JAKMIP1: variants seen among roughly 807,000 people sequenced by gnomAD.
The protein encoded by JAKMIP1 is janus kinase and microtubule-interacting protein 1.
In JAKMIP1, 33 loss-of-function variants were observed where a neutral mutation model predicts 113.0. The ratio of observed to expected loss-of-function variants is 0.29; its 90% CI spans 0.22 to 0.39. The LOEUF (loss-of-function observed/expected upper bound fraction) is 0.39. JAKMIP1 is among the 10% of genes least tolerant of loss of function. The pLI, the probability that JAKMIP1 is intolerant of heterozygous loss-of-function variation, is 1.00. For missense variants in JAKMIP1, 813 were observed against 1,080.5 expected, an observed-to-expected ratio of 0.75 and a Z score of 3.47; for synonymous variants, 480 against 459.9, an observed-to-expected ratio of 1.04 and a Z score of -0.56.
chr4:6,065,825 A>G lies in JAKMIP1; in HGVS notation c.1303-817T>C, dbSNP rs1463776480. Among the ~76,000 whole-genome samples the G allele has an allele frequency of 6.6e-6, 1 of 152,114 alleles. No homozygotes were observed. Among genetic ancestry groups the G allele is most frequent in the East Asian group, 1.9e-4 (1 of 5,182 alleles). The stretch of plus-strand genomic sequence containing the variant: ...CTATCAATTCATTCACTCAGAAAAC[A>G]CTGGCAAAGCTCCTTCTATGGGCCA... On this transcript the variant is annotated intron_variant, in intron 8 of 20. Transcript: ENST00000409021. The surrounding 1 kb of genome is among the most constrained non-coding windows in gnomAD (Gnocchi z 5.1).
intron 8 of JAKMIP1, among the ~76,000 whole-genome samples, chr4:6,066,741 T>C (rs1024530776): frequency 2.6e-5 from 4 of 152,104 alleles, no homozygotes; most frequent in Non-Finnish European, 2.9e-5. Context: ...CCTCTCTCCA[T>C]TGGGACCTTC....
In JAKMIP1 at chr4:6,088,553, A is replaced by T. The variant is rs897460188; in HGVS notation, c.625-2924T>A. ...ACAGAGGGCTTCTGCCCCAGTCATCACAAGAAAGTTTCCTAGAAAATATTC... is the reference window on the plus strand; with the variant it reads ...ACAGAGGGCTTCTGCCCCAGTCATCTCAAGAAAGTTTCCTAGAAAATATTC... On this transcript the variant is annotated intron_variant, in intron 3 of 20. Transcript: ENST00000409021. The surrounding 1 kb of genome is among the most constrained non-coding windows in gnomAD (Gnocchi z 5.5). 6.6e-6 allele frequency among the ~76,000 whole-genome samples: 1 copy of T among 152,240 alleles called. No individual in the cohort carries two copies. The highest frequency in any genetic ancestry group is 2.4e-5 in the African/African-American group (1 of 41,460).
At chr4:6,060,344 G>T in intron 11 of JAKMIP1, 80 bp downstream of exon 11, 2 of 1,074,808 alleles carry the variant, frequency 1.9e-6, no homozygotes, top group Non-Finnish European at 2.9e-6. Context: ...TGTCCCCCTT[G>T]GCACAAGGGC....
chr4:6,112,642 T>G, intron 2 of JAKMIP1, 80 bp downstream of exon 2: 21 of 1,489,306 alleles, frequency 1.4e-5, no homozygotes, highest in East Asian at 4.8e-5. Flanking sequence ...AACAGGCTCT[T>G]CACACACATG....
At chr4:6,170,346 T>TCAC (rs376955827) in intron 1 of JAKMIP1, among the ~76,000 whole-genome samples, 4,657 of 37,204 alleles carry the variant, frequency 0.13, 114 homozygotes, top group Non-Finnish European at 0.17. Flanking sequence ...CCCACCCTTC[T>TCAC]CACCACCACC....
rs886222648 is a variant in JAKMIP1 at position 6,129,137 on chromosome 4, C to T, written c.-147-16140G>A. Reference sequence around the variant, plus strand: ...GACATCACACACCCCACTTTCACTCCGCACTGTGGGGTGTCTTCACATCTA... The same window carrying T: ...GACATCACACACCCCACTTTCACTCTGCACTGTGGGGTGTCTTCACATCTA... On this transcript the variant is annotated intron_variant, in intron 1 of 20. Transcript: ENST00000409021. The surrounding 1 kb of genome is among the most constrained non-coding windows in gnomAD (Gnocchi z 5.4). Among the ~76,000 whole-genome samples the T allele has an allele frequency of 2.6e-5, 4 of 152,218 alleles. No individual in the cohort carries two copies. The highest frequency in any genetic ancestry group is 6.5e-5 in the Admixed American group (1 of 15,286).
rs1727649599 is a variant in JAKMIP1, at chr4:6,194,568, C to G, written c.-148+5685G>C. On this transcript the variant is annotated intron_variant, in intron 1 of 20. Coordinates refer to ENST00000409021, the MANE Select transcript of JAKMIP1 (RefSeq NM_001099433.2). This position sits in a 1 kb window ranked among gnomAD's most constrained non-coding sequence, Gnocchi z 7.4. Reference sequence around the variant, plus strand: ...ACCCTGTAGTGATGTGTCCCACCCCCTCCAGTGCTGTGGAGGGACCCGGGT... The same window carrying G: ...ACCCTGTAGTGATGTGTCCCACCCCGTCCAGTGCTGTGGAGGGACCCGGGT... The G allele has an allele frequency of 2.0e-5, 3 of 152,290 alleles. No homozygotes were observed. The highest frequency in any genetic ancestry group is 2.9e-5 in the Non-Finnish European group (2 of 68,142). 9.4% of individuals were successfully genotyped at this position (152,290 alleles called of 1,614,324 possible).
At chr4:6,170,136 C>T (rs970925875) in intron 1 of JAKMIP1, among the ~76,000 whole-genome samples, 6 of 150,320 alleles carry the variant, frequency 4.0e-5, no homozygotes, top group African/African-American at 1.5e-4. Context: ...ACCACCACCA[C>T]CACTTCCATC....
chr4:6,109,412 C>T (rs1000964411), intron 2 of JAKMIP1, among the ~76,000 whole-genome samples: 12 of 151,994 alleles, frequency 7.9e-5, no homozygotes, highest in African/African-American at 1.9e-4. Flanking sequence ...AGATTACAGG[C>T]ATGAGCCACT....
rs28714133 is a variant in JAKMIP1 at position 6,098,591 on chromosome 4, G to A, written c.624+6882C>T. 1.3e-3 allele frequency among the ~76,000 whole-genome samples: 155 copies of A among 119,584 alleles called. 1 individual carries two copies. Among genetic ancestry groups the A allele is most frequent in the Middle Eastern group, 4.4e-3 (1 of 228 alleles). The allele number at this position is 119,584 out of a possible 152,430, so 78.5% of individuals were successfully genotyped here. ...GAAAGAAAGAAAGAAAGAAGGAAAG[G>A]AAGAAAGAAAGGAAGAAAAGAAAGA... On this transcript the variant is annotated intron_variant, in intron 3 of 20. Transcript: ENST00000409021.
At position 6,112,873 on chromosome 4, in the gene JAKMIP1, T is replaced by G; in HGVS notation, c.-23A>C. 1 of 1,611,804 alleles carries G rather than the reference T, an allele frequency of 6.2e-7. No individual in the cohort carries two copies. The highest frequency in any genetic ancestry group is 8.5e-7 in the Non-Finnish European group (1 of 1,179,208). On this transcript the variant is annotated 5_prime_UTR_variant, in exon 2 of 21. Transcript: ENST00000409021. ...CATGCTTCCCCTTGGGTCAGAGTGC[T>G]GAGATCCTGCGGTCCACACCTGTTC... is the stretch of plus-strand genomic sequence containing the variant.
Position 6,140,262 on chromosome 4 carries a change from T to C in JAKMIP1, c.-147-27265A>G, listed in dbSNP as rs1461915773. ...TTTCTTTTTTCCTCTTTTTTTTTTTTTTTTCTGTGGGGAGGGACTTTCACC... is the reference window on the plus strand; with the variant it reads ...TTTCTTTTTTCCTCTTTTTTTTTTTCTTTTCTGTGGGGAGGGACTTTCACC... On this transcript the variant is annotated intron_variant, in intron 1 of 20. Coordinates refer to ENST00000409021, the MANE Select transcript of JAKMIP1 (RefSeq NM_001099433.2). This position sits in a 1 kb window ranked among gnomAD's most constrained non-coding sequence, Gnocchi z 9.4. Among the ~76,000 whole-genome samples, 2 of 151,754 alleles carry C rather than the reference T, an allele frequency of 1.3e-5. No individual in the cohort carries two copies. The highest frequency in any genetic ancestry group is 3.9e-4 in the East Asian group (2 of 5,194).
chr4:6,117,050 A>C (rs536475432), intron 1 of JAKMIP1, among the ~76,000 whole-genome samples: 108 of 152,368 alleles, frequency 7.1e-4, no homozygotes, highest in African/African-American at 2.4e-3. Flanking sequence ...TTAAGCCAAG[A>C]GCCAGGCCCT....
At chr4:6,096,529 A>G (rs1255510711) in intron 3 of JAKMIP1, among the ~76,000 whole-genome samples, 2 of 152,218 alleles carry the variant, frequency 1.3e-5, no homozygotes, top group African/African-American at 2.4e-5. Flanking sequence ...GGGTAAAATA[A>G]TATTTGTCAT....
At chr4:6,070,467 A>G in intron 8 of JAKMIP1, among the ~76,000 whole-genome samples, 1 of 152,246 alleles carries the variant, frequency 6.6e-6, no homozygotes, top group East Asian at 1.9e-4. Flanking sequence ...AGAGGTTTCC[A>G]GGGGCGGGAT....
intron 7 of JAKMIP1, among the ~76,000 whole-genome samples, chr4:6,079,900 A>G (rs1720256014): frequency 6.6e-6 from 1 of 152,216 alleles, no homozygotes; most frequent in Admixed American, 6.5e-5. Flanking sequence ...ATGCTTCTCA[A>G]TCACAGCAAG....
chr4:6,036,011 G>A lies in JAKMIP1; in HGVS notation c.2272C>T (p.Leu758=), dbSNP rs1460738895. 3.2e-6 allele frequency: 5 copies of A among 1,552,280 alleles called. 1 individual carries two copies. Among genetic ancestry groups the A allele is most frequent in the Middle Eastern group, 1.7e-4 (1 of 5,992 alleles). Residue 758 remains leucine (L), a synonymous_variant, in exon 19 of 21, where the codon CTG becomes TTG. Coordinates refer to ENST00000409021, the MANE Select transcript of JAKMIP1 (RefSeq NM_001099433.2). The part of the protein sequence containing the change: ...EALSEGQRED[L]QAAVEKVRRQ... ...CGCACCTTTTCCACAGCAGCCTGCA[G>A]GTCCTCCCGCTGGCCCTCGCTCAGC... is the stretch of plus-strand genomic sequence containing the variant.
rs531776468 is a variant in JAKMIP1, at chr4:6,129,026, A to C, written c.-147-16029T>G. On this transcript the variant is annotated intron_variant, in intron 1 of 20. Transcript: ENST00000409021. The surrounding 1 kb of genome is among the most constrained non-coding windows in gnomAD (Gnocchi z 5.4). ...CCTTCCACACCATCAGGTTTAGTTG[A>C]ATCTCCAGTACCAGGCAAGGTGCCT... Among the ~76,000 whole-genome samples, 5 of 152,324 alleles carry C rather than the reference A, an allele frequency of 3.3e-5. No individual in the cohort carries two copies. Among genetic ancestry groups the C allele is most frequent in the Admixed American group, 6.5e-5 (1 of 15,310 alleles).
At chr4:6,045,049 G>C (rs549722674) in intron 16 of JAKMIP1, among the ~76,000 whole-genome samples, 1 of 152,240 alleles carries the variant, frequency 6.6e-6, no homozygotes, top group Non-Finnish European at 1.5e-5. Flanking sequence ...GCCTCCCAGG[G>C]CCCCTCAGGT....
Sources: allele counts gnomAD v4.1 joint callset (sites outside exome capture counted in the v4.1 genomes callset), GRCh38; gene constraint gnomAD v4.1.1; non-coding constraint Gnocchi (gnomAD v3.1); transcripts MANE v1.5; gene names NCBI Gene and HGNC (gene_info 2026-07-23, HGNC 2026-07-21).